The following PTK2 variants were observed in gnomAD, a reference collection of about 807,000 sequenced individuals.
The protein encoded by PTK2 is focal adhesion kinase 1.
PTK2 carries 45 observed loss-of-function variants against 150.1 expected under a neutral mutation model. The observed-to-expected ratio is 0.30, with a 90% CI of 0.24 to 0.38. The LOEUF is 0.38. PTK2 is among the 10% of genes least tolerant of loss of function. The pLI is 1.00. For synonymous variants in PTK2, 432 were observed against 449.2 expected (o/e 0.96, Z 0.48); for missense variants, 919 against 1,307.3 (o/e 0.70, Z 4.58).
At chr8:140,896,120 C>A (rs965397026) in intron 2 of PTK2, among the ~76,000 whole-genome samples, 6 of 152,092 alleles carry the variant, frequency 3.9e-5, no homozygotes, top group African/African-American at 9.7e-5. Flanking sequence ...CAATTCCTTG[C>A]AAAACACAAC....
At chr8:140,734,719 TTC>T (rs780767769) in intron 22 of PTK2, 1 of 517,658 alleles carries the variant, frequency 1.9e-6, no homozygotes, top group South Asian at 1.4e-5. Flanking sequence ...AAAGGAGTAA[TTC>T]TCTCTTTCGG....
intron 4 of PTK2, among the ~76,000 whole-genome samples, chr8:140,877,139 TCTCCTGC>T (rs1308649856): frequency 6.7e-6 from 1 of 149,744 alleles, no homozygotes; most frequent in Non-Finnish European, 1.5e-5. Flanking sequence ...TTCAAGCAAT[TCTCCTGC>T]CTCAGCCTCC....
chr8:140,676,596 G>T (rs2100013853), intron 27 of PTK2, among the ~76,000 whole-genome samples: 1 of 148,818 alleles, frequency 6.7e-6, no homozygotes, highest in Non-Finnish European at 1.5e-5. Context: ...TCGAAGAGTT[G>T]CCGCGGTCGG....
Position 140,995,024 on chromosome 8 carries a change from G to A in PTK2, c.-122+6101C>T, listed in dbSNP as rs1296478301. On this transcript the variant is annotated intron_variant, in intron 1 of 31. Transcript: ENST00000522684. ...GCCTGAACTGGGAGGCAAAGGCTGTGGTGAGCTGAGATCTCGCCATTGCAC... is the reference window on the plus strand; with the variant it reads ...GCCTGAACTGGGAGGCAAAGGCTGTAGTGAGCTGAGATCTCGCCATTGCAC... Among the ~76,000 whole-genome samples the A allele has an allele frequency of 9.3e-5, 14 of 151,128 alleles. No individual in the cohort carries two copies. In the East Asian group the frequency reaches 2.7e-3, roughly 30 times the overall value.
chr8:140,966,910 C>A (rs1587890192), intron 1 of PTK2, among the ~76,000 whole-genome samples: 1 of 152,174 alleles, frequency 6.6e-6, no homozygotes, highest in East Asian at 1.9e-4. Context: ...TAGAATATTT[C>A]CTTTCACCAC....
intron 8 of PTK2, among the ~76,000 whole-genome samples, chr8:140,825,314 G>A (rs934181905): frequency 6.6e-6 from 1 of 152,084 alleles, no homozygotes; most frequent in African/African-American, 2.4e-5. Context: ...GCTGAACATC[G>A]TACCAAGATA....
At chr8:140,903,296 T>C (rs2100159514) in intron 2 of PTK2, among the ~76,000 whole-genome samples, 1 of 152,134 alleles carries the variant, frequency 6.6e-6, no homozygotes, top group South Asian at 2.1e-4. Context: ...GTTGTAGATG[T>C]ATGGCGTTAT....
intron 1 of PTK2, 135 bp downstream of exon 1, chr8:141,000,990 A>T (rs1378580593): frequency 6.6e-6 from 1 of 151,280 alleles, no homozygotes; most frequent in African/African-American, 2.4e-5. Flanking sequence ...TCTCCGCCGC[A>T]TCCGCCCCGG....
chr8:140,721,979 C>T (rs2100043143), intron 22 of PTK2, among the ~76,000 whole-genome samples: 1 of 152,166 alleles, frequency 6.6e-6, no homozygotes, highest in African/African-American at 2.4e-5. Flanking sequence ...AAGTTGTTAC[C>T]TGAAGGCCCA....
At chr8:140,805,921 G>C (rs573637712) in intron 10 of PTK2, among the ~76,000 whole-genome samples, 50 of 152,300 alleles carry the variant, frequency 3.3e-4, no homozygotes, top group African/African-American at 1.2e-3. Context: ...TGAGCAAACT[G>C]TCTACATGAT....
chr8:140,742,322 T>TA (rs767310504), intron 20 of PTK2, among the ~76,000 whole-genome samples: 4 of 152,246 alleles, frequency 2.6e-5, no homozygotes, highest in East Asian at 1.9e-4. Context: ...TTCTGGCTAT[T>TA]ACAAATACAA....
At chr8:140,937,585 T>TAAA (rs35149796) in intron 1 of PTK2, among the ~76,000 whole-genome samples, 98 of 130,164 alleles carry the variant, frequency 7.5e-4, no homozygotes, top group African/African-American at 1.1e-3. Context: ...AAGTAAACAA[T>TAAA]AAAAAAAAAA....
intron 5 of PTK2, among the ~76,000 whole-genome samples, chr8:140,863,789 G>A (rs949498119): frequency 2.0e-4 from 31 of 152,094 alleles, no homozygotes; most frequent in Middle Eastern, 3.4e-3. Flanking sequence ...CTGCATTCCC[G>A]GTCCAGAATA....
At chr8:140,916,388 C>A (rs1322766327) in intron 2 of PTK2, among the ~76,000 whole-genome samples, 1 of 152,198 alleles carries the variant, frequency 6.6e-6, no homozygotes, top group East Asian at 1.9e-4. Flanking sequence ...CTGTTCCAGC[C>A]ACAATGCCAT....
At chr8:140,735,219 AC>A (rs1237308003) in intron 22 of PTK2, 31 bp downstream of exon 25, 11 of 1,594,110 alleles carry the variant, frequency 6.9e-6, no homozygotes, top group Non-Finnish European at 9.4e-6. Context: ...ATCTGCCCCC[AC>A]CCCCAGGCCC....
chr8:140,827,122 T>C (rs952490196), intron 8 of PTK2, among the ~76,000 whole-genome samples: 2 of 152,136 alleles, frequency 1.3e-5, no homozygotes, highest in African/African-American at 4.8e-5. Context: ...GAGATCATAC[T>C]GCACACTCTG....
chr8:140,726,214 AG>A (rs1312160279), intron 22 of PTK2, among the ~76,000 whole-genome samples: 5 of 152,098 alleles, frequency 3.3e-5, no homozygotes, highest in Admixed American at 2.6e-4. Flanking sequence ...TGGGGAGAGG[AG>A]GAAGAGGAAG....
intron 7 of PTK2, among the ~76,000 whole-genome samples, chr8:140,843,767 T>G (rs1469547836): frequency 6.6e-6 from 1 of 151,730 alleles, no homozygotes; most frequent in Non-Finnish European, 1.5e-5. Context: ...GTATCCTGTA[T>G]AGTCCACACC....
At position 140,662,296 on chromosome 8, in the gene PTK2, CA is replaced by C. The variant is rs575384587; in HGVS notation, c.2947-2619del. On this transcript the variant is annotated intron_variant, in intron 31 of 31. Transcript: ENST00000522684. ...TGGGTGACAGAGACAGACCCTGTCT[CA>C]AAAAAAAAAAAATTAATAATTAAAA... is the stretch of plus-strand genomic sequence containing the variant. Among the ~76,000 whole-genome samples, 1,221 of 124,436 alleles carry C rather than the reference CA, an allele frequency of 9.8e-3. 10 individuals carry two copies. The highest frequency in any genetic ancestry group is 0.015 in the Non-Finnish European group (874 of 58,336). 81.6% of individuals were successfully genotyped at this position (124,436 alleles called of 152,430 possible). A position where few individuals can be genotyped will look rare whatever the true frequency, so the allele number is the denominator to read the frequency against.
Sources: allele counts gnomAD v4.1 joint callset (sites outside exome capture counted in the v4.1 genomes callset), GRCh38; gene constraint gnomAD v4.1.1; transcripts MANE v1.5; gene names NCBI Gene and HGNC (gene_info 2026-07-23, HGNC 2026-07-21).